Variants in CPAP observed in about 807,000 individuals in gnomAD.
The protein encoded by CPAP is centrosome assembly and centriole elongation protein, also known as centrosomal P4.1-associated protein.
chr13:24,933,173 A>G, the CPAP span: 2 of 1,443,334 alleles, frequency 1.4e-6, no homozygotes, highest in Admixed American at 3.4e-5. Context: ...GTGATAAAAC[A>G]TCGCGCATTC....
At chr13:24,904,641 A>C in the CPAP span, among the ~76,000 whole-genome samples, 1 of 152,162 alleles carries the variant, frequency 6.6e-6, no homozygotes, top group African/African-American at 2.4e-5. Flanking sequence ...AATATCCCAA[A>C]ATGGCATAGC....
the CPAP span, chr13:24,889,492 T>A: frequency 1.2e-6 from 1 of 867,188 alleles, no homozygotes. Context: ...GTGCTAAGAA[T>A]GCTGTGGGTT....
the CPAP span, chr13:24,913,008 G>A: frequency 5.0e-6 from 8 of 1,613,840 alleles, no homozygotes; most frequent in Non-Finnish European, 6.8e-6. Context: ...ACTCTGAAGA[G>A]GTTGGCATCA....
chr13:24,909,804 C>A, the CPAP span: 12 of 1,612,096 alleles, frequency 7.4e-6, no homozygotes, highest in Non-Finnish European at 1.0e-5. Flanking sequence ...AGGATGGTTA[C>A]GGTTTTCTTC....
chr13:24,932,060 C>T, the CPAP span, among the ~76,000 whole-genome samples: 1 of 152,210 alleles, frequency 6.6e-6, no homozygotes, highest in South Asian at 2.1e-4. Flanking sequence ...GGACGCTGCG[C>T]TCTCCGAGTG....
the CPAP span, among the ~76,000 whole-genome samples, chr13:24,914,595 A>G: frequency 6.6e-6 from 1 of 152,038 alleles, no homozygotes; most frequent in Non-Finnish European, 1.5e-5. Context: ...TGGAGACAAA[A>G]CATATATTCT....
chr13:24,915,988 A>AT, the CPAP span, among the ~76,000 whole-genome samples: 1 of 152,218 alleles, frequency 6.6e-6, no homozygotes, highest in African/African-American at 2.4e-5. Context: ...AACTTCAATG[A>AT]GAGTAGCTGA....
chr13:24,884,384 T>C, the CPAP span: 1 of 1,614,104 alleles, frequency 6.2e-7, no homozygotes, highest in Non-Finnish European at 8.5e-7. Context: ...AGTGATGGTC[T>C]TCCCATCTGC....
the CPAP span, among the ~76,000 whole-genome samples, chr13:24,916,505 T>C: frequency 6.6e-6 from 1 of 152,140 alleles, no homozygotes; most frequent in Non-Finnish European, 1.5e-5. Context: ...ACATTACCAT[T>C]TTTTTCCCAC....
At chr13:24,931,245 G>A in the CPAP span, among the ~76,000 whole-genome samples, 761 of 146,950 alleles carry the variant, frequency 5.2e-3, 21 homozygotes, top group East Asian at 0.08. Flanking sequence ...GCACTTCCTC[G>A]GCTCAGGGAC....
At chr13:24,906,179 G>C in the CPAP span, 2 of 1,613,824 alleles carry the variant, frequency 1.2e-6, no homozygotes, top group African/African-American at 1.3e-5. Flanking sequence ...CTGTGGCACA[G>C]CTTTGACAGG....
At chr13:24,895,211 C>T in the CPAP span, among the ~76,000 whole-genome samples, 1 of 152,272 alleles carries the variant, frequency 6.6e-6, no homozygotes, top group African/African-American at 2.4e-5. Flanking sequence ...ACAGGCTCTA[C>T]GCTCAGAGCA....
chr13:24,905,315 C>G, the CPAP span: 5 of 1,595,274 alleles, frequency 3.1e-6, no homozygotes, highest in Non-Finnish European at 4.3e-6. Context: ...TTCTAACATT[C>G]TGATACATAT....
the CPAP span, among the ~76,000 whole-genome samples, chr13:24,917,555 CTCA>C: frequency 6.6e-6 from 1 of 152,112 alleles, no homozygotes; most frequent in Non-Finnish European, 1.5e-5. Context: ...TGTCTGCAAT[CTCA>C]TCAGTGTCAA....
At chr13:24,929,414 AGTTT>A in the CPAP span, among the ~76,000 whole-genome samples, 4 of 152,190 alleles carry the variant, frequency 2.6e-5, no homozygotes, top group East Asian at 1.9e-4. Context: ...CATGGTTGCC[AGTTT>A]GTTTGTTTTC....
chr13:24,889,591 A>G, the CPAP span, among the ~76,000 whole-genome samples: 8,037 of 97,668 alleles, frequency 0.082, 293 homozygotes, highest in Non-Finnish European at 0.15. Flanking sequence ...ACACACACGC[A>G]CGCGCGCCCC....
the CPAP span, among the ~76,000 whole-genome samples, chr13:24,895,791 G>A: frequency 6.6e-6 from 1 of 152,174 alleles, no homozygotes; most frequent in Admixed American, 6.5e-5. Flanking sequence ...AGAGTAACCT[G>A]AGTGTGTGAA....
the CPAP span, chr13:24,910,117 G>A: frequency 6.2e-7 from 1 of 1,601,266 alleles, no homozygotes; most frequent in Non-Finnish European, 8.5e-7. Context: ...CAAAGCTGAT[G>A]ACTTCCTTCA....
the CPAP span, chr13:24,912,517 G>T: frequency 7.4e-7 from 1 of 1,352,758 alleles, no homozygotes; most frequent in South Asian, 1.2e-5. Flanking sequence ...TAGAACAAAT[G>T]ACTTTATTAC....
Sources: allele counts gnomAD v4.1 joint callset (sites outside exome capture counted in the v4.1 genomes callset), GRCh38; gene constraint gnomAD v4.1.1; transcripts MANE v1.5; gene names NCBI Gene and HGNC (gene_info 2026-07-23, HGNC 2026-07-21).